CACNA2D3: variants seen among roughly 807,000 people sequenced by gnomAD.
CACNA2D3 encodes the protein voltage-dependent calcium channel subunit alpha-2/delta-3.
Under a neutral mutation model 160.6 loss-of-function variants are expected in CACNA2D3, and 60 were observed. That is an observed-to-expected ratio of 0.37 (90% CI 0.30 to 0.46). The LOEUF is 0.46. Among genes scored for constraint, CACNA2D3 ranks in the 20% least tolerant of loss-of-function variants. The probability of loss-of-function intolerance (pLI) is 1.00; values close to 1 mark genes in which losing one functional copy is unlikely to be tolerated. For synonymous variants in CACNA2D3, 558 were observed against 492.9 expected (o/e 1.13, Z -1.75); for missense variants, 1,205 against 1,365.0 (o/e 0.88, Z 1.85).
At chr3:54,969,986 C>A (rs1214959749) in intron 29 of CACNA2D3, 142 bp downstream of exon 29, 2 of 590,478 alleles carry the variant, frequency 3.4e-6, no homozygotes, top group Admixed American at 3.7e-5. Flanking sequence ...AAATCATTTG[C>A]TTTATTTGCT....
intron 11 of CACNA2D3, among the ~76,000 whole-genome samples, chr3:54,666,698 T>C (rs1029524168): frequency 6.6e-6 from 1 of 152,230 alleles, no homozygotes; most frequent in Non-Finnish European, 1.5e-5. Flanking sequence ...CTTTAAAATA[T>C]ATGTATAGAA....
intron 2 of CACNA2D3, among the ~76,000 whole-genome samples, chr3:54,245,214 AT>A (rs1178674645): frequency 2.0e-5 from 3 of 149,072 alleles, no homozygotes; most frequent in African/African-American, 5.0e-5. Context: ...CAGTCTTTTT[AT>A]TTTTTTTTTA....
chr3:54,491,538 A>G (rs1238364099), intron 4 of CACNA2D3, among the ~76,000 whole-genome samples: 1 of 152,190 alleles, frequency 6.6e-6, no homozygotes, highest in Non-Finnish European at 1.5e-5. Flanking sequence ...AGGTTTGGCC[A>G]GAGTTGAGAA....
At chr3:54,225,492 A>C (rs1032289897) in intron 2 of CACNA2D3, among the ~76,000 whole-genome samples, 1 of 152,004 alleles carries the variant, frequency 6.6e-6, no homozygotes, top group Non-Finnish European at 1.5e-5. Context: ...TATGTTTCCC[A>C]TATGTTATTT....
Position 54,832,267 on chromosome 3 carries a change from C to T in CACNA2D3, c.1399-4892C>T, listed in dbSNP as rs574653547. Among the ~76,000 whole-genome samples the T allele has an allele frequency of 9.2e-5, 14 of 152,280 alleles. No homozygotes were observed. The East Asian group carries it at 1.2e-3, about 13-fold the overall frequency. ...TTAATAAACTTACCAGTGCAGCTCG[C>T]GCAGAGTGTGTGTGTGCACACTTCT... On this transcript the variant is annotated intron_variant, in intron 14 of 37. Coordinates refer to ENST00000474759, the MANE Select transcript of CACNA2D3 (RefSeq NM_018398.3).
intron 11 of CACNA2D3, among the ~76,000 whole-genome samples, chr3:54,665,720 G>GT (rs1700054012): frequency 6.6e-6 from 1 of 151,514 alleles, no homozygotes; most frequent in East Asian, 1.9e-4. Context: ...TTTATGAACT[G>GT]TAACATTAAT....
At chr3:54,315,648 C>T (rs1703842850) in intron 2 of CACNA2D3, among the ~76,000 whole-genome samples, 1 of 152,192 alleles carries the variant, frequency 6.6e-6, no homozygotes, top group Non-Finnish European at 1.5e-5. Context: ...GGTTGACCTT[C>T]TGTGTGCCTC....
intron 19 of CACNA2D3, 25 bp from the exon 20 acceptor site, chr3:54,879,325 G>T: frequency 6.8e-7 from 1 of 1,463,038 alleles, no homozygotes; most frequent in Non-Finnish European, 9.3e-7. Flanking sequence ...TTTTCTCTAC[G>T]ACTTTTTTTT....
intron 27 of CACNA2D3, among the ~76,000 whole-genome samples, chr3:54,965,308 G>A (rs1575411727): frequency 2.0e-5 from 3 of 152,224 alleles, no homozygotes; most frequent in African/African-American, 7.2e-5. Flanking sequence ...CTGAACAACT[G>A]GGTCCCCGTT....
intron 27 of CACNA2D3, among the ~76,000 whole-genome samples, chr3:54,952,386 G>T (rs1305556697): frequency 2.0e-5 from 3 of 152,140 alleles, no homozygotes; most frequent in Non-Finnish European, 2.9e-5. Flanking sequence ...AACATGAAGG[G>T]TCTGGAGGCT....
intron 31 of CACNA2D3, among the ~76,000 whole-genome samples, chr3:54,998,859 G>C (rs1273742808): frequency 6.6e-6 from 1 of 152,078 alleles, no homozygotes; most frequent in Non-Finnish European, 1.5e-5. Context: ...CCATTCTCCT[G>C]CCTAAGCCTC....
At chr3:54,165,138 AAACAAGATGAATG>A (rs1265865108) in intron 2 of CACNA2D3, among the ~76,000 whole-genome samples, 1 of 40,202 alleles carries the variant, frequency 2.5e-5, no homozygotes, top group Non-Finnish European at 5.2e-5. Flanking sequence ...TTTTTTTGTC[AAACAAGATGAATG>A]AACAAGATCG....
At chr3:54,743,154 G>A (rs539386079) in intron 11 of CACNA2D3, among the ~76,000 whole-genome samples, 1 of 152,310 alleles carries the variant, frequency 6.6e-6, no homozygotes, top group Non-Finnish European at 1.5e-5. Context: ...AATATTCGTT[G>A]AGAATCTACT....
chr3:54,749,210 G>T (rs1269155608), intron 11 of CACNA2D3, among the ~76,000 whole-genome samples: 2 of 152,124 alleles, frequency 1.3e-5, no homozygotes, highest in African/African-American at 4.8e-5. Context: ...ATAGAATTTT[G>T]TGCTACACAA....
At chr3:54,397,596 G>A (rs1229375320) in intron 4 of CACNA2D3, among the ~76,000 whole-genome samples, 1 of 132,836 alleles carries the variant, frequency 7.5e-6, no homozygotes, top group Non-Finnish European at 1.6e-5. Context: ...TTCAGGAGCA[G>A]GTTGTTCAGT....
At chr3:54,355,721 G>A (rs1026867452) in intron 3 of CACNA2D3, among the ~76,000 whole-genome samples, 7 of 152,162 alleles carry the variant, frequency 4.6e-5, no homozygotes, top group African/African-American at 1.7e-4. Flanking sequence ...CAGGGCAGGA[G>A]TAAAGGTAGG....
intron 14 of CACNA2D3, among the ~76,000 whole-genome samples, chr3:54,831,877 G>C (rs1341914984): frequency 6.6e-6 from 1 of 152,002 alleles, no homozygotes; most frequent in African/African-American, 2.4e-5. Context: ...AAAACTTATT[G>C]GCTCAGGCAA....
At chr3:54,571,954 C>T (rs1321251374) in intron 8 of CACNA2D3, among the ~76,000 whole-genome samples, 1 of 152,096 alleles carries the variant, frequency 6.6e-6, no homozygotes, top group Admixed American at 6.6e-5. Flanking sequence ...GCTCCTTAGC[C>T]AGTGGTGGGA....
chr3:54,360,277 G>A (rs1698719436), intron 3 of CACNA2D3, among the ~76,000 whole-genome samples: 1 of 152,206 alleles, frequency 6.6e-6, no homozygotes, highest in Non-Finnish European at 1.5e-5. Flanking sequence ...TCAGGCCAGA[G>A]TAAGAGAATT....
Sources: gnomAD v4.1 joint callset for allele counts (sites outside exome capture counted in the v4.1 genomes callset) on GRCh38, gnomAD v4.1.1 for gene constraint, MANE v1.5 for transcripts, NCBI Gene and HGNC (gene_info 2026-07-23, HGNC 2026-07-21) for gene names.